DACH1: variants seen among roughly 807,000 people sequenced by gnomAD.
DACH1 encodes the protein dachshund family transcription factor 1, also known as dachshund homolog 1.
A neutral mutation model predicts 54.2 loss-of-function variants in DACH1; 12 were observed. The ratio of observed to expected loss-of-function variants is 0.22; its 90% CI spans 0.14 to 0.36. The LOEUF is 0.36. DACH1 is among the 10% of genes least tolerant of loss of function. The pLI is 1.00. For missense variants in DACH1, 805 were observed against 929.8 expected (o/e 0.87, Z 1.75); for synonymous variants, 386 against 366.2 (o/e 1.05, Z -0.62).
At chr13:71,522,060 C>T (rs1881638798) in intron 6 of DACH1, among the ~76,000 whole-genome samples, 1 of 152,082 alleles carries the variant, frequency 6.6e-6, no homozygotes, top group Non-Finnish European at 1.5e-5. Context: ...TTGTTCTACT[C>T]TGTTTGTGGA....
At chr13:71,647,627 A>AC (rs771193542) in intron 2 of DACH1, among the ~76,000 whole-genome samples, 1 of 152,164 alleles carries the variant, frequency 6.6e-6, no homozygotes, top group Non-Finnish European at 1.5e-5. Context: ...GAACAGGGCC[A>AC]CCATGACTCA....
Position 71,520,648 on chromosome 13 carries a change from T to C in DACH1, c.1571-31500A>G, listed in dbSNP as rs146348140. ...ACAAAAAAACTATGTTATACAATTA[T>C]AGACAATTACATATAAAATCAAGGA... On this transcript the variant is annotated intron_variant, in intron 6 of 10. Transcript: ENST00000613252. 2.1e-3 allele frequency among the ~76,000 whole-genome samples: 318 copies of C among 151,746 alleles called. 2 individuals are homozygous for C. Among genetic ancestry groups the C allele is most frequent in the African/African-American group, 7.1e-3 (296 of 41,458 alleles).
At chr13:71,710,216 G>A (rs2138775840) in intron 1 of DACH1, among the ~76,000 whole-genome samples, 1 of 152,142 alleles carries the variant, frequency 6.6e-6, no homozygotes, top group Middle Eastern at 3.4e-3. Context: ...ATATCATAAG[G>A]CTTGACTTTG....
At chr13:71,696,111 C>T (rs781325841) in intron 1 of DACH1, among the ~76,000 whole-genome samples, 17 of 152,208 alleles carry the variant, frequency 1.1e-4, no homozygotes, top group Non-Finnish European at 2.1e-4. Flanking sequence ...CTGGGCTATA[C>T]TCATTGCCTG....
chr13:71,666,252 CAA>C (rs1344987759), intron 2 of DACH1, among the ~76,000 whole-genome samples: 1 of 151,996 alleles, frequency 6.6e-6, no homozygotes, highest in African/African-American at 2.4e-5. Flanking sequence ...ATCCTATGTA[CAA>C]AGTCTTAATA....
chr13:71,775,840 A>T (rs1026137881), intron 1 of DACH1, among the ~76,000 whole-genome samples: 4 of 152,154 alleles, frequency 2.6e-5, no homozygotes, highest in African/African-American at 9.6e-5. Context: ...ATACATTAAA[A>T]AATTCCTAGA....
At chr13:71,783,500 T>C (rs541502172) in intron 1 of DACH1, among the ~76,000 whole-genome samples, 75 of 152,270 alleles carry the variant, frequency 4.9e-4, no homozygotes, top group Middle Eastern at 3.4e-3. Context: ...ACAGTAATTA[T>C]AGGATGATTG....
chr13:71,655,188 T>A (rs1879005100), intron 2 of DACH1, among the ~76,000 whole-genome samples: 1 of 152,164 alleles, frequency 6.6e-6, no homozygotes, highest in Non-Finnish European at 1.5e-5. Context: ...CCTCAATGAC[T>A]GCCCCACTCA....
rs74096962 is a variant in DACH1 at position 71,575,090 on chromosome 13, T to C, written c.1127-2078A>G. On this transcript the variant is annotated intron_variant, in intron 3 of 10. Transcript: ENST00000613252. ...TGCAATTTTTTTATTATAGGCTTAATTCACAAAATCTGTGGGATTTGATTT... is the reference window on the plus strand; with the variant it reads ...TGCAATTTTTTTATTATAGGCTTAACTCACAAAATCTGTGGGATTTGATTT... 7.9e-3 allele frequency among the ~76,000 whole-genome samples: 1,195 copies of C among 152,162 alleles called. 17 individuals are homozygous for C. The highest frequency in any genetic ancestry group is 0.027 in the African/African-American group (1,112 of 41,572).
intron 10 of DACH1, among the ~76,000 whole-genome samples, chr13:71,447,676 C>CA (rs200752832): frequency 0.063 from 9,520 of 151,748 alleles, 369 homozygotes; most frequent in Middle Eastern, 0.11. Context: ...ACTAAAAATA[C>CA]AAAAAAATTA....
intron 1 of DACH1, among the ~76,000 whole-genome samples, chr13:71,740,576 T>C (rs188417098): frequency 3.6e-4 from 55 of 152,198 alleles, no homozygotes; most frequent in Non-Finnish European, 7.2e-4. Context: ...AAGAAAAAAA[T>C]TGTTTATGTT....
chr13:71,559,826 T>C lies in DACH1; in HGVS notation c.1429A>G (p.Arg477Gly), dbSNP rs1257738069. ...SPARTESSSD[R>G]IPVHQNGLSM... ...GTAGAAGTATGAGACCTACGGATTCTGTCAGAAGAGCTCTCAGTCCGAGCA... is the reference window on the plus strand; with the variant it reads ...GTAGAAGTATGAGACCTACGGATTCCGTCAGAAGAGCTCTCAGTCCGAGCA... Residue 477 changes from arginine (R) to glycine (G), a missense_variant, in exon 5 of 11, where the codon AGA becomes GGA. Transcript: ENST00000613252. 6.2e-7 allele frequency: 1 copy of C among 1,613,848 alleles called. No individual in the cohort carries two copies. The highest frequency in any genetic ancestry group is 8.5e-7 in the Non-Finnish European group (1 of 1,179,946).
At chr13:71,629,793 A>T (rs1403682978) in intron 3 of DACH1, among the ~76,000 whole-genome samples, 2 of 152,132 alleles carry the variant, frequency 1.3e-5, no homozygotes, top group East Asian at 1.9e-4. Flanking sequence ...TGGTCACTGT[A>T]TTTTAAAGAG....
intron 1 of DACH1, among the ~76,000 whole-genome samples, chr13:71,765,925 C>G (rs2138021109): frequency 6.8e-6 from 1 of 146,182 alleles, no homozygotes; most frequent in African/African-American, 2.5e-5. Context: ...CTCGCTCTGT[C>G]GCCCAGGCTG....
chr13:71,768,019 C>G (rs1262402543), intron 1 of DACH1, among the ~76,000 whole-genome samples: 1 of 151,828 alleles, frequency 6.6e-6, no homozygotes, highest in African/African-American at 2.4e-5. Flanking sequence ...TCTGCAATTT[C>G]CTATTATTAG....
rs578082057 is a variant in DACH1, at chr13:71,553,464, A to C, written c.1570+3560T>G. The stretch of plus-strand genomic sequence containing the variant: ...TATATCCATATATATATACATATAT[A>C]CATATATGGGATATATATATACATA... On this transcript the variant is annotated intron_variant, in intron 6 of 10. Transcript: ENST00000613252. Among the ~76,000 whole-genome samples the C allele has an allele frequency of 1.7e-4, 25 of 145,700 alleles. 4 individuals carry two copies. The highest frequency in any genetic ancestry group is 6.2e-4 in the African/African-American group (25 of 40,060).
intron 3 of DACH1, among the ~76,000 whole-genome samples, chr13:71,581,443 T>C (rs1053379548): frequency 1.1e-4 from 16 of 152,188 alleles, no homozygotes; most frequent in Admixed American, 7.9e-4. Flanking sequence ...TGCATTTTAG[T>C]AGAGACGGGC....
At chr13:71,706,104 G>GA (rs1040336030) in intron 1 of DACH1, among the ~76,000 whole-genome samples, 2 of 151,786 alleles carry the variant, frequency 1.3e-5, no homozygotes, top group African/African-American at 4.8e-5. Context: ...AATTCAGTCA[G>GA]AATAGGATAT....
intron 3 of DACH1, among the ~76,000 whole-genome samples, chr13:71,574,482 G>A (rs1378340182): frequency 6.6e-6 from 1 of 151,872 alleles, no homozygotes; most frequent in African/African-American, 2.4e-5. Context: ...CCAATTTAAT[G>A]CTTTAGCTCT....
Sources: allele counts gnomAD v4.1 joint callset (sites outside exome capture counted in the v4.1 genomes callset), GRCh38; gene constraint gnomAD v4.1.1; transcripts MANE v1.5; gene names NCBI Gene and HGNC (gene_info 2026-07-23, HGNC 2026-07-21).